IFTAP: variants seen among roughly 807,000 people sequenced by gnomAD.
The protein encoded by IFTAP is intraflagellar transport associated protein.
IFTAP carries 19 observed loss-of-function variants against 19.4 expected under a neutral mutation model. That is an observed-to-expected ratio of 0.98 (90% CI 0.68 to 1.44). The LOEUF (loss-of-function observed/expected upper bound fraction) is 1.44, where lower values mean the gene tolerates loss of function less well. Among genes scored for constraint, IFTAP ranks in the 40% most tolerant of loss-of-function variants. The probability of loss-of-function intolerance (pLI) is 0.00; values close to 1 mark genes in which losing one functional copy is unlikely to be tolerated. For missense variants in IFTAP, 240 were observed against 253.6 expected (o/e 0.95, Z 0.36); for synonymous variants, 85 against 83.5 (o/e 1.02, Z -0.10).
intron 4 of IFTAP, among the ~76,000 whole-genome samples, chr11:36,641,922 G>C (rs1853222427): frequency 1.3e-5 from 2 of 152,070 alleles, no homozygotes; most frequent in Admixed American, 6.6e-5. Flanking sequence ...TCTCTTTGTA[G>C]GTCTCTAAGG....
At chr11:36,604,456 C>T (rs896341100) in intron 1 of IFTAP, among the ~76,000 whole-genome samples, 3 of 151,996 alleles carry the variant, frequency 2.0e-5, no homozygotes, top group African/African-American at 7.2e-5. Context: ...AGTGTAGGTT[C>T]TTTTCTGTTT....
intron 4 of IFTAP, among the ~76,000 whole-genome samples, chr11:36,643,522 A>C (rs1243477514): frequency 1.3e-5 from 2 of 152,232 alleles, no homozygotes; most frequent in Non-Finnish European, 2.9e-5. Flanking sequence ...GGAACCAAAA[A>C]AGAGCCTGCA....
intron 4 of IFTAP, among the ~76,000 whole-genome samples, chr11:36,640,910 A>C (rs1853169461): frequency 6.6e-6 from 1 of 152,222 alleles, no homozygotes; most frequent in African/African-American, 2.4e-5. Context: ...TCAGTGTGCA[A>C]GATAGACCAA....
At chr11:36,645,472 CTA>C (rs1853444106) in intron 4 of IFTAP, among the ~76,000 whole-genome samples, 1 of 151,994 alleles carries the variant, frequency 6.6e-6, no homozygotes, top group African/African-American at 2.4e-5. Context: ...GAAACAACAC[CTA>C]TATGATCAGA....
intron 4 of IFTAP, among the ~76,000 whole-genome samples, 171 bp downstream of exon 4, chr11:36,636,288 C>T (rs1439028266): frequency 1.3e-5 from 2 of 152,114 alleles, no homozygotes; most frequent in East Asian, 3.9e-4. Context: ...CCTGAAAGGT[C>T]AAAGCTTTTT....
intron 3 of IFTAP, among the ~76,000 whole-genome samples, chr11:36,633,854 C>T (rs1032231381): frequency 4.6e-5 from 7 of 152,074 alleles, no homozygotes; most frequent in African/African-American, 1.7e-4. Context: ...AATATCTGGT[C>T]AATAAATGTT....
chr11:36,621,813 TG>T (rs1233436354), intron 2 of IFTAP, among the ~76,000 whole-genome samples: 3 of 151,970 alleles, frequency 2.0e-5, no homozygotes, highest in African/African-American at 7.2e-5. Context: ...TTATAAAGGA[TG>T]GTGTGATTCC....
chr11:36,644,731 C>G (rs1420332442), intron 4 of IFTAP, among the ~76,000 whole-genome samples: 1 of 151,632 alleles, frequency 6.6e-6, no homozygotes, highest in African/African-American at 2.4e-5. Flanking sequence ...CCATCATTCT[C>G]AGCAAACTAT....
At chr11:36,615,826 T>C (rs544086393) in intron 2 of IFTAP, among the ~76,000 whole-genome samples, 2 of 151,554 alleles carry the variant, frequency 1.3e-5, no homozygotes, top group East Asian at 3.9e-4. Flanking sequence ...GCTGAGACAA[T>C]GGGGTTTTCT....
chr11:36,619,814 CCTTT>C (rs1487517527), intron 2 of IFTAP, among the ~76,000 whole-genome samples: 2 of 151,906 alleles, frequency 1.3e-5, no homozygotes, highest in Non-Finnish European at 2.9e-5. Flanking sequence ...ATTTGCAGTG[CCTTT>C]CTGTTTCCTT....
intron 4 of IFTAP, among the ~76,000 whole-genome samples, chr11:36,643,336 A>G (rs946133498): frequency 2.6e-5 from 4 of 152,252 alleles, no homozygotes; most frequent in Non-Finnish European, 4.4e-5. Flanking sequence ...CAACTGCTCA[A>G]TGAAATAAAA....
At chr11:36,650,698 C>T (rs893329290) in intron 5 of IFTAP, among the ~76,000 whole-genome samples, 1 of 152,010 alleles carries the variant, frequency 6.6e-6, no homozygotes, top group African/African-American at 2.4e-5. Flanking sequence ...AATACTATCC[C>T]TCCCCCCTTC....
At chr11:36,634,460 C>T (rs190973901) in intron 3 of IFTAP, among the ~76,000 whole-genome samples, 10 of 152,174 alleles carry the variant, frequency 6.6e-5, no homozygotes, top group Non-Finnish European at 1.0e-4. Flanking sequence ...CCCTGACCTC[C>T]GCTATGGCTT....
Position 36,598,383 on chromosome 11 carries a change from A to G in IFTAP, c.-24+3791A>G, listed in dbSNP as rs765337106. ...TTTAACTCTTTCACTACTAGCAACA[A>G]TGGCAACACAATTCACTATTTGTAC... On this transcript the variant is annotated intron_variant, in intron 1 of 5. Transcript: ENST00000334307. The G allele has an allele frequency of 7.2e-5, 11 of 152,212 alleles. No individual in the cohort carries two copies. The East Asian group carries it at 2.1e-3, about 29-fold the overall frequency. 9.4% of individuals were successfully genotyped at this position (152,212 alleles called of 1,614,324 possible).
chr11:36,634,399 T>C (rs764159658), intron 3 of IFTAP, among the ~76,000 whole-genome samples: 2 of 152,100 alleles, frequency 1.3e-5, no homozygotes, highest in Non-Finnish European at 2.9e-5. Context: ...TAGGTTACAC[T>C]GTGGATGAGT....
At chr11:36,639,957 G>A (rs551589512) in intron 4 of IFTAP, among the ~76,000 whole-genome samples, 2 of 152,236 alleles carry the variant, frequency 1.3e-5, no homozygotes, top group Admixed American at 6.5e-5. Flanking sequence ...ACCCCTGAAC[G>A]ACTAGGGACT....
At position 36,633,413 on chromosome 11, in the gene IFTAP, C is replaced by T. The variant is rs1852805091; in HGVS notation, c.266C>T (p.Thr89Ile). 1 of 1,596,884 alleles carries T rather than the reference C, an allele frequency of 6.3e-7. No homozygotes were observed. The highest frequency in any genetic ancestry group is 1.3e-5 in the African/African-American group (1 of 74,360). The change falls in exon 3 of 6, where the codon ACT (threonine) becomes ATT (isoleucine). Residue 89 changes from threonine (T) to isoleucine (I), a missense_variant. Physicochemically the swap from Thr to Ile is moderately conservative, Grantham distance 89. Transcript: ENST00000334307. The stretch of plus-strand genomic sequence containing the variant: ...AGAAATAAAACCATCTTTCTTCGTA[C>T]TTCATCACAATGTTTGGAAGAACAG... The part of the protein sequence containing the change: ...HLRNKTIFLR[T>I]SSQCLEEQVD...
At chr11:36,605,138 G>A (rs1851645435) in intron 1 of IFTAP, among the ~76,000 whole-genome samples, 1 of 151,930 alleles carries the variant, frequency 6.6e-6, no homozygotes, top group Non-Finnish European at 1.5e-5. Flanking sequence ...ATTTCCTTAG[G>A]CAAAGTGATA....
intron 5 of IFTAP, among the ~76,000 whole-genome samples, chr11:36,654,224 TC>T (rs1229568183): frequency 6.6e-6 from 1 of 152,312 alleles, no homozygotes; most frequent in East Asian, 1.9e-4. Flanking sequence ...TTTCCAGTCT[TC>T]CTTTTAATGG....
Sources: gnomAD v4.1 joint callset for allele counts (sites outside exome capture counted in the v4.1 genomes callset) on GRCh38, gnomAD v4.1.1 for gene constraint, MANE v1.5 for transcripts, NCBI Gene and HGNC (gene_info 2026-07-23, HGNC 2026-07-21) for gene names.